TMCC1: variants seen among roughly 807,000 people sequenced by gnomAD.
The protein encoded by TMCC1 is transmembrane and coiled-coil domain family 1.
TMCC1 carries 15 observed loss-of-function variants against 52.4 expected under a neutral mutation model. The observed-to-expected ratio is 0.29, with a 90% CI of 0.19 to 0.44. The LOEUF is 0.44. TMCC1 is among the 20% of genes least tolerant of loss of function. The pLI, the probability that TMCC1 is intolerant of heterozygous loss-of-function variation, is 1.00. For synonymous variants in TMCC1, 279 were observed against 301.9 expected (o/e 0.92, Z 0.79); for missense variants, 503 against 806.0 (o/e 0.62, Z 4.55).
At chr3:129,826,449 A>C (rs2058665040) in intron 4 of TMCC1, among the ~76,000 whole-genome samples, 1 of 152,026 alleles carries the variant, frequency 6.6e-6, no homozygotes, top group African/African-American at 2.4e-5. Flanking sequence ...TTAAGGCTGC[A>C]GTGAGCCACG....
chr3:129,797,079 A>C (rs2056878084), intron 4 of TMCC1, among the ~76,000 whole-genome samples: 1 of 152,146 alleles, frequency 6.6e-6, no homozygotes, highest in African/African-American at 2.4e-5. Context: ...TAATCCCAGC[A>C]CTTTGGGAGG....
At chr3:129,798,532 A>G (rs1350683035) in intron 4 of TMCC1, among the ~76,000 whole-genome samples, 2 of 151,164 alleles carry the variant, frequency 1.3e-5, no homozygotes, top group Non-Finnish European at 3.0e-5. Flanking sequence ...TCCAAAAAAA[A>G]AAAAAAAAAA....
At chr3:129,778,195 A>G (rs139376958) in intron 4 of TMCC1, among the ~76,000 whole-genome samples, 1 of 152,344 alleles carries the variant, frequency 6.6e-6, no homozygotes, top group Non-Finnish European at 1.5e-5. Flanking sequence ...ATATTCTTCT[A>G]AGCTGAAATG....
At chr3:129,785,176 G>A (rs940253582) in intron 4 of TMCC1, among the ~76,000 whole-genome samples, 4 of 152,126 alleles carry the variant, frequency 2.6e-5, no homozygotes, top group Non-Finnish European at 5.9e-5. Flanking sequence ...GGATGTTCAT[G>A]CAAAGGACGT....
intron 4 of TMCC1, among the ~76,000 whole-genome samples, chr3:129,691,507 G>A (rs756482106): frequency 4.6e-5 from 7 of 151,986 alleles, no homozygotes; most frequent in South Asian, 4.1e-4. Flanking sequence ...ACAGCCAGGC[G>A]TGGTGGCTCA....
At chr3:129,889,334 G>C (rs1283436963) in intron 1 of TMCC1, among the ~76,000 whole-genome samples, 1 of 152,032 alleles carries the variant, frequency 6.6e-6, no homozygotes, top group Non-Finnish European at 1.5e-5. Flanking sequence ...ACTAAATACA[G>C]GGAAAGTCTG....
chr3:129,745,789 C>T (rs933642739), intron 4 of TMCC1, among the ~76,000 whole-genome samples: 5 of 151,922 alleles, frequency 3.3e-5, no homozygotes, highest in African/African-American at 4.8e-5. Flanking sequence ...TGGTAAAACC[C>T]CGTCTCTACT....
intron 4 of TMCC1, among the ~76,000 whole-genome samples, chr3:129,681,806 G>C (rs1192517442): frequency 6.6e-6 from 1 of 151,928 alleles, no homozygotes; most frequent in Non-Finnish European, 1.5e-5. Context: ...TACTTGGGAG[G>C]CTGAGGCAGG....
intron 2 of TMCC1, among the ~76,000 whole-genome samples, chr3:129,833,102 A>C (rs2058994744): frequency 6.6e-6 from 1 of 152,222 alleles, no homozygotes; most frequent in Non-Finnish European, 1.5e-5. Context: ...ATATTTTAAG[A>C]AGCAATAAAT....
chr3:129,862,561 G>A (rs1447497231), intron 2 of TMCC1, among the ~76,000 whole-genome samples: 2 of 152,142 alleles, frequency 1.3e-5, no homozygotes, highest in Non-Finnish European at 2.9e-5. Flanking sequence ...TAGCACCACA[G>A]AACTTTGAAA....
chr3:129,698,684 T>C (rs2047591302), intron 4 of TMCC1, among the ~76,000 whole-genome samples: 1 of 152,224 alleles, frequency 6.6e-6, no homozygotes, highest in Non-Finnish European at 1.5e-5. Flanking sequence ...AAAGTAATTG[T>C]TTAGTTAGAG....
At chr3:129,772,546 T>A (rs2054675762) in intron 4 of TMCC1, among the ~76,000 whole-genome samples, 1 of 150,596 alleles carries the variant, frequency 6.6e-6, no homozygotes, top group African/African-American at 2.4e-5. Context: ...AAACCCCGTC[T>A]CTACTAAAAA....
chr3:129,671,822 A>C (rs986991501), intron 4 of TMCC1, among the ~76,000 whole-genome samples: 1 of 152,264 alleles, frequency 6.6e-6, no homozygotes, highest in African/African-American at 2.4e-5. Context: ...GTGATGGATC[A>C]TTCTATATAT....
At chr3:129,677,153 T>A (rs928131199) in intron 4 of TMCC1, among the ~76,000 whole-genome samples, 7 of 151,654 alleles carry the variant, frequency 4.6e-5, no homozygotes, top group Non-Finnish European at 7.4e-5. Flanking sequence ...TAGTCCCAGC[T>A]ACTCAGGAGG....
intron 2 of TMCC1, among the ~76,000 whole-genome samples, chr3:129,845,105 T>C (rs1411306297): frequency 6.6e-6 from 1 of 151,824 alleles, no homozygotes; most frequent in Admixed American, 6.6e-5. Context: ...GGAGGATCAC[T>C]AGATCCCAGG....
chr3:129,750,688 C>T (rs2052425399), intron 4 of TMCC1, among the ~76,000 whole-genome samples: 3 of 149,792 alleles, frequency 2.0e-5, no homozygotes, highest in Admixed American at 1.3e-4. Context: ...CATTCTCCTG[C>T]CTCAGCCTCC....
chr3:129,812,000 C>T (rs912257920), intron 4 of TMCC1, among the ~76,000 whole-genome samples: 2 of 149,066 alleles, frequency 1.3e-5, no homozygotes, highest in African/African-American at 2.5e-5. Context: ...TCTTACTATT[C>T]AATACTCTTA....
intron 4 of TMCC1, among the ~76,000 whole-genome samples, chr3:129,765,634 A>AT: frequency 6.6e-6 from 1 of 152,200 alleles, no homozygotes; most frequent in East Asian, 1.9e-4. Flanking sequence ...CAGATATAAG[A>AT]GAAGTATCTC....
At chr3:129,729,314 G>A (rs778017365) in intron 4 of TMCC1, among the ~76,000 whole-genome samples, 1 of 152,042 alleles carries the variant, frequency 6.6e-6, no homozygotes, top group Non-Finnish European at 1.5e-5. Flanking sequence ...GGATACTAAG[G>A]CTAAATATCT....
Sources: allele counts gnomAD v4.1 joint callset (sites outside exome capture counted in the v4.1 genomes callset), GRCh38; gene constraint gnomAD v4.1.1; transcripts MANE v1.5; gene names NCBI Gene and HGNC (gene_info 2026-07-23, HGNC 2026-07-21).